The following IFT172 variants were observed in gnomAD, a reference collection of about 807,000 sequenced individuals.
The protein encoded by IFT172 is intraflagellar transport 172.
Under a neutral mutation model 248.9 loss-of-function variants are expected in IFT172, and 164 were observed. That is an observed-to-expected ratio of 0.66 (90% confidence interval 0.58 to 0.75). IFT172 has a LOEUF of 0.75. IFT172 is among the 30% of genes least tolerant of loss of function. The probability of loss-of-function intolerance (pLI) is 0.00; values close to 1 mark genes in which losing one functional copy is unlikely to be tolerated. For missense variants in IFT172, 1,950 were observed against 2,192.4 expected (o/e 0.89, Z 2.21); for synonymous variants, 729 against 791.6 (o/e 0.92, Z 1.33).
In IFT172 at chr2:27,483,282, T is replaced by C; in HGVS notation, c.570+7A>G. 6.6e-7 allele frequency: 1 copy of C among 1,509,764 alleles called. No individual in the cohort carries two copies. Among genetic ancestry groups the C allele is most frequent in the Non-Finnish European group, 9.2e-7 (1 of 1,085,014 alleles). 93.5% of individuals were successfully genotyped at this position (1,509,764 alleles called of 1,614,324 possible). A position where few individuals can be genotyped will look rare whatever the true frequency, so the allele number is the denominator to read the frequency against. ...TCCAAGCCTCCCACAACATTCTTTA[T>C]TCATACCTGTGACTCTCCAGAGCCT... is the stretch of plus-strand genomic sequence containing the variant. On this transcript the variant is annotated splice_region_variant and intron_variant, in intron 7 of 47. Transcript: ENST00000260570.
chr2:27,479,560 T>G lies in IFT172; in HGVS notation c.954A>C (p.Arg318=), dbSNP rs536178375. The part of the protein sequence containing the change: ...GGVEQFDCCL[R]RSIYKNKFEL... ...CAAACTTGTTCTTGTAAATACTCCT[T>G]CGGAGGCAGCAGTCAAACTGTTCCA... The change falls in exon 10 of 48, where the codon CGA becomes CGC. Residue 318 remains arginine (R), a synonymous_variant. Transcript: ENST00000260570. 1 of 1,613,670 alleles carries G rather than the reference T, an allele frequency of 6.2e-7. No individual in the cohort carries two copies. The highest frequency in any genetic ancestry group is 2.2e-5 in the East Asian group (1 of 44,890).
In IFT172 at chr2:27,445,532, C is replaced by T; in HGVS notation, c.4915-83G>A. On this transcript the variant is annotated intron_variant, in intron 45 of 47. Coordinates refer to ENST00000260570, the MANE Select transcript of IFT172 (RefSeq NM_015662.3). The surrounding 1 kb of genome is among the most constrained non-coding windows in gnomAD (Gnocchi z 4.4). ...GGTGGATGGGTGAGGAGGGGGTTTG[C>T]TAAGCCCTCATCCTGTATACCAGCT... 1.4e-6 allele frequency: 2 copies of T among 1,468,062 alleles called. No homozygotes were observed. Among genetic ancestry groups the T allele is most frequent in the East Asian group, 2.3e-5 (1 of 42,710 alleles). 90.9% of individuals were successfully genotyped at this position (1,468,062 alleles called of 1,614,324 possible).
At chr2:27,457,820 A>G in intron 28 of IFT172, 21 bp downstream of exon 28, 3 of 1,614,142 alleles carry the variant, frequency 1.9e-6, no homozygotes, top group Non-Finnish European at 2.5e-6. Context: ...AGAGATAGGG[A>G]GAGCCAGGAG....
rs772647033 is a variant in IFT172, at chr2:27,449,809, T to A, written c.4051-9A>T. 2.5e-6 allele frequency: 4 copies of A among 1,598,044 alleles called. No homozygotes were observed. Among genetic ancestry groups the A allele is most frequent in the Non-Finnish European group, 3.4e-6 (4 of 1,168,766 alleles). ...AGATAGAGCTCTGCAGCCTGCACAGTGGGAAATCAGCGTGGAGACTTTCTC... is the reference window on the plus strand; with the variant it reads ...AGATAGAGCTCTGCAGCCTGCACAGAGGGAAATCAGCGTGGAGACTTTCTC... On this transcript the variant is annotated splice_polypyrimidine_tract_variant and intron_variant, in intron 36 of 47. Coordinates refer to ENST00000260570, the MANE Select transcript of IFT172 (RefSeq NM_015662.3).
Position 27,444,479 on chromosome 2 carries a change from T to C in IFT172, c.5203A>G (p.Ser1735Gly), listed in dbSNP as rs1444047678. The change falls in exon 48 of 48, where the codon AGT becomes GGT. Residue 1735 changes from serine to glycine, a missense_variant. Physicochemically the swap from Ser to Gly is moderately conservative, Grantham distance 56. This residue lies in a region of IFT172 where 620 missense variants were observed against 699.0 expected (regional missense o/e 0.89). Transcript: ENST00000260570. ...PVCQDVLKFI[S>G]QWCGGLPSTS... ...CTGGGGAGCCCTCCACACCACTGAC[T>C]GATGAATTTCAGCACGTCCTGGCAC... 1 of 1,613,694 alleles carries C rather than the reference T, an allele frequency of 6.2e-7. No homozygotes were observed. Among genetic ancestry groups the C allele is most frequent in the Admixed American group, 1.7e-5 (1 of 59,992 alleles).
Position 27,445,370 on chromosome 2 carries a change from TC to T in IFT172, c.4993del (p.Asp1665MetfsTer10), listed in dbSNP as rs761032840. On this transcript the variant is annotated frameshift_variant, in exon 46 of 48. Transcript: ENST00000260570. LOFTEE classifies it high-confidence loss of function. The surrounding 1 kb of genome is among the most constrained non-coding windows in gnomAD (Gnocchi z 4.4). ...DQRLEQVLPR[D>X]ERGAYEASLV... ...GGAGGCCTCGTAGGCGCCACGCTCATCCCGAGGCAGAACCTGCTCCAGCCGC... is the reference window on the plus strand; with the variant it reads ...GGAGGCCTCGTAGGCGCCACGCTCATCCGAGGCAGAACCTGCTCCAGCCGC... 6.2e-7 allele frequency: 1 copy of T among 1,612,918 alleles called. No homozygotes were observed. The highest frequency in any genetic ancestry group is 8.5e-7 in the Non-Finnish European group (1 of 1,179,680).
rs763724145 is a variant in IFT172, at chr2:27,476,697, C to T, written c.1355G>A (p.Gly452Glu). ...AGCCAATTTCTTATTATCTTCTGTTCCTCGCTGACACCTCTCATTAATACG... is the reference window on the plus strand; with the variant it reads ...AGCCAATTTCTTATTATCTTCTGTTTCTCGCTGACACCTCTCATTAATACG... ...SVRINERCQR[G>E]TEDNKKLAYL... Residue 452 changes from glycine to glutamate, a missense_variant, in exon 14 of 48, where the codon GGA becomes GAA. Physicochemically the swap from Gly to Glu is moderately conservative, Grantham distance 98. Coordinates refer to ENST00000260570, the MANE Select transcript of IFT172 (RefSeq NM_015662.3). 5.0e-6 allele frequency: 8 copies of T among 1,612,572 alleles called. No homozygotes were observed. In the South Asian group the frequency reaches 6.6e-5, roughly 13 times the overall value.
Position 27,448,900 on chromosome 2 carries a change from G to A in IFT172, c.4428+15C>T, listed in dbSNP as rs751186841. The A allele has an allele frequency of 1.9e-5, 23 of 1,241,968 alleles. No homozygotes were observed. The highest frequency in any genetic ancestry group is 2.5e-5 in the Non-Finnish European group (21 of 839,994). The allele number at this position is 1,241,968 out of a possible 1,614,324, so 76.9% of individuals were successfully genotyped here. On this transcript the variant is annotated intron_variant, in intron 40 of 47. Transcript: ENST00000260570. Reference sequence around the variant, plus strand: ...TTTCTTGTGGAAACATTCAACCCAAGGAGAAGGCTGGTACCTGTGGGTTAG... The same window carrying A: ...TTTCTTGTGGAAACATTCAACCCAAAGAGAAGGCTGGTACCTGTGGGTTAG...
chr2:27,450,053 ATAT>A lies in IFT172; in HGVS notation c.3992_3994del (p.Asn1331del). The A allele has an allele frequency of 6.2e-7, 1 of 1,614,168 alleles. No homozygotes were observed. Among genetic ancestry groups the A allele is most frequent in the Non-Finnish European group, 8.5e-7 (1 of 1,180,018 alleles). ...GGGTCCTACAGCCAGAACGACTTCCATATTACGTTGGGGAGGCAGAAACTTGAT... is the reference window on the plus strand; with the variant it reads ...GGGTCCTACAGCCAGAACGACTTCCATACGTTGGGGAGGCAGAAACTTGAT... On this transcript the variant is annotated inframe_deletion, in exon 36 of 48. Transcript: ENST00000260570.
At position 27,470,957 on chromosome 2, in the gene IFT172, G is replaced by GAACA; in HGVS notation, c.1662_1663insTGTT (p.Pro555CysfsTer3). 6.2e-7 allele frequency: 1 copy of GAACA among 1,608,834 alleles called. No individual in the cohort carries two copies. The highest frequency in any genetic ancestry group is 2.2e-5 in the East Asian group (1 of 44,752). On this transcript the variant is annotated frameshift_variant, in exon 16 of 48. Transcript: ENST00000260570. LOFTEE classifies it high-confidence loss of function. ...ATAGTGAACATGGTGACTCTCTCAG[G>GAACA]TGCCTCAATGTTGTACCATACACAC...
At position 27,465,797 on chromosome 2, in the gene IFT172, T is replaced by C; in HGVS notation, c.1778A>G (p.Asp593Gly). 1 of 1,614,068 alleles carries C rather than the reference T, an allele frequency of 6.2e-7. No homozygotes were observed. Among genetic ancestry groups the C allele is most frequent in the Non-Finnish European group, 8.5e-7 (1 of 1,180,006 alleles). Residue 593 changes from aspartate (D) to glycine (G), a missense_variant, in exon 17 of 48, where the codon GAT (aspartate) becomes GGT (glycine). By Grantham distance (94) the Asp-to-Gly change is moderately conservative. Around this residue, in one of 3 missense-constraint regions of IFT172, gnomAD observed 1,166 missense variants for 1,254.1 expected, o/e 0.93. Transcript: ENST00000260570. ...EGVTTVAYTL[D>G]EGLIEFGTAI... The stretch of plus-strand genomic sequence containing the variant: ...TGTTCCAAACTCGATGAGGCCCTCA[T>C]CCAATGTGTAGGCAACAGTAGTCAC...
At position 27,444,469 on chromosome 2, in the gene IFT172, C is replaced by G. The variant is rs1664849330; in HGVS notation, c.5213G>C (p.Cys1738Ser). 6.2e-7 allele frequency: 1 copy of G among 1,613,698 alleles called. No homozygotes were observed. The highest frequency in any genetic ancestry group is 1.3e-5 in the African/African-American group (1 of 75,016). Reference protein sequence around the residue: ...QDVLKFISQWCGGLPSTSFSF... With the variant: ...QDVLKFISQWSGGLPSTSFSF... ...AAAGCTGGTGCTGGGGAGCCCTCCA[C>G]ACCACTGACTGATGAATTTCAGCAC... The change falls in exon 48 of 48, where the codon TGT (cysteine) becomes TCT (serine). Residue 1738 changes from cysteine to serine, a missense_variant. Physicochemically the swap from Cys to Ser is moderately radical, Grantham distance 112. Around this residue, in one of 3 missense-constraint regions of IFT172, gnomAD observed 620 missense variants for 699.0 expected, o/e 0.89. Transcript: ENST00000260570.
Position 27,485,360 on chromosome 2 carries a change from C to T in IFT172, c.183G>A (p.Lys61=), listed in dbSNP as rs745703364. ...DKFSTKPADM[K]YGRKSYMVKG... ...AGGTACACATGAATACACTGTTTAC[C>T]TTCATGTCAGCTGGTTTGGTGGAGA... is the stretch of plus-strand genomic sequence containing the variant. The change falls in exon 2 of 48, where the codon AAG becomes AAA. Residue 61 remains lysine (K), a splice_region_variant and synonymous_variant. Transcript: ENST00000260570. 1 of 1,613,866 alleles carries T rather than the reference C, an allele frequency of 6.2e-7. No homozygotes were observed. Among genetic ancestry groups the T allele is most frequent in the South Asian group, 1.1e-5 (1 of 91,064 alleles).
At position 27,485,484 on chromosome 2, in the gene IFT172, G is replaced by A. The variant is rs751486617; in HGVS notation, c.59C>T (p.Thr20Ile). 68 of 1,614,032 alleles carry A rather than the reference G, an allele frequency of 4.2e-5. No homozygotes were observed. The South Asian group carries it at 6.8e-4, about 16-fold the overall frequency. The change falls in exon 2 of 48, where the codon ACC becomes ATC. Residue 20 changes from threonine (T) to isoleucine (I), a missense_variant. Around this residue, in one of 3 missense-constraint regions of IFT172, gnomAD observed 1,166 missense variants for 1,254.1 expected, o/e 0.93. Transcript: ENST00000260570. ...ATTGTTCTGGGACCAAGCCATGCAG[G>A]TCACCTTTGCAGCTCCATCCTGTAG... Reference protein sequence around the residue: ...LSPQDGAAKVTCMAWSQNNAK... With the variant: ...LSPQDGAAKVICMAWSQNNAK...
intron 27 of IFT172, 37 bp from the exon 28 acceptor site, chr2:27,458,013 G>A (rs771259552): frequency 9.3e-6 from 15 of 1,613,792 alleles, no homozygotes; most frequent in East Asian, 6.7e-5. Flanking sequence ...TCCTAGACCC[G>A]ACCCCTGCTA....
At chr2:27,479,453 A>G (rs996360519) in intron 10 of IFT172, 56 bp downstream of exon 10, 19 of 949,566 alleles carry the variant, frequency 2.0e-5, no homozygotes, top group Non-Finnish European at 3.1e-5. Context: ...GGGAAATGTT[A>G]TAAGGAGGAA....
intron 35 of IFT172, 56 bp from the exon 36 acceptor site, chr2:27,450,152 CT>C (rs1665530455): frequency 2.3e-6 from 3 of 1,297,358 alleles, no homozygotes; most frequent in African/African-American, 1.5e-5. Flanking sequence ...CCGCTGAGTC[CT>C]CAGCCTCATC....
At position 27,459,803 on chromosome 2, in the gene IFT172, G is replaced by C. The variant is rs1401639649; in HGVS notation, c.2548C>G (p.Pro850Ala). 57 of 1,612,390 alleles carry C rather than the reference G, an allele frequency of 3.5e-5. No individual in the cohort carries two copies. Among genetic ancestry groups the C allele is most frequent in the Non-Finnish European group, 4.8e-5 (57 of 1,180,032 alleles). The change falls in exon 24 of 48, where the codon CCA (proline) becomes GCA (alanine). Residue 850 changes from proline (P) to alanine (A), a missense_variant. Pro to Ala is a conservative substitution (Grantham distance 27). Transcript: ENST00000260570. ...KAVELARLAF[P>A]VEVVKLEEAW... ...TCCTCTAGTTTCACCACCTCCACTG[G>C]GAAGGCCAATCGAGCCAGCTCTACC...
chr2:27,466,322 C>T (rs1040751396), intron 16 of IFT172, among the ~76,000 whole-genome samples: 9 of 152,092 alleles, frequency 5.9e-5, no homozygotes, highest in African/African-American at 1.9e-4. Flanking sequence ...TAAGCTAAAT[C>T]CTGAGCAAGA....
Sources: gnomAD v4.1 joint callset for allele counts (sites outside exome capture counted in the v4.1 genomes callset) on GRCh38, gnomAD v4.1.1 for gene constraint, gnomAD v4.1.1 regional missense constraint, Gnocchi (gnomAD v3.1) non-coding constraint, MANE v1.5 for transcripts, NCBI Gene and HGNC (gene_info 2026-07-23, HGNC 2026-07-21) for gene names.